The following TOX variants were observed in gnomAD, a reference collection of about 807,000 sequenced individuals.
TOX encodes thymocyte selection-associated high mobility group box protein TOX.
Under a neutral mutation model 53.7 loss-of-function variants are expected in TOX, and 11 were observed. The observed-to-expected ratio is 0.20, with a 90% CI of 0.13 to 0.34. The LOEUF is 0.34. TOX is among the 10% of genes least tolerant of loss of function. The pLI is 1.00. For synonymous variants in TOX, 225 were observed against 245.3 expected (o/e 0.92, Z 0.77); for missense variants, 570 against 664.6 (o/e 0.86, Z 1.56).
At chr8:59,115,901 C>A (rs908772170) in intron 1 of TOX, among the ~76,000 whole-genome samples, 3 of 152,010 alleles carry the variant, frequency 2.0e-5, no homozygotes, top group Non-Finnish European at 4.4e-5. Context: ...CTAGATTAAA[C>A]CGTTTCCAAA....
chr8:59,108,594 T>TA (rs1223242651), intron 1 of TOX, among the ~76,000 whole-genome samples: 1 of 151,992 alleles, frequency 6.6e-6, no homozygotes, highest in Non-Finnish European at 1.5e-5. Flanking sequence ...GATGGAAACA[T>TA]AGTTGAGTTT....
chr8:58,936,631 G>A (rs1430764702), intron 3 of TOX, among the ~76,000 whole-genome samples: 1 of 152,148 alleles, frequency 6.6e-6, no homozygotes, highest in Non-Finnish European at 1.5e-5. Context: ...ACAAAAGATA[G>A]CTCCTGATTC....
chr8:59,036,069 G>T (rs139825123), intron 1 of TOX, among the ~76,000 whole-genome samples: 75 of 152,330 alleles, frequency 4.9e-4, no homozygotes, highest in South Asian at 1.2e-3. Context: ...AGCACATATA[G>T]TTGTTCCCCT....
intron 1 of TOX, among the ~76,000 whole-genome samples, chr8:59,070,698 A>C (rs1199584049): frequency 6.6e-6 from 1 of 152,194 alleles, no homozygotes; most frequent in Non-Finnish European, 1.5e-5. Context: ...TAGTGGGTAC[A>C]GAGAGATTTT....
intron 3 of TOX, among the ~76,000 whole-genome samples, chr8:58,882,455 G>A (rs1471754331): frequency 6.6e-6 from 1 of 152,130 alleles, no homozygotes; most frequent in East Asian, 1.9e-4. Flanking sequence ...AGCTGTTTCT[G>A]CAATTTCATA....
chr8:58,883,239 A>G (rs903927285), intron 3 of TOX, among the ~76,000 whole-genome samples: 3 of 152,162 alleles, frequency 2.0e-5, no homozygotes, highest in Non-Finnish European at 2.9e-5. Flanking sequence ...GCTCACTATC[A>G]CCAGCAGGCT....
At chr8:58,819,354 T>C (rs1389493074) in intron 6 of TOX, among the ~76,000 whole-genome samples, 1 of 150,978 alleles carries the variant, frequency 6.6e-6, no homozygotes, top group African/African-American at 2.5e-5. Context: ...ACCTGACAAA[T>C]GTGTTTCCTA....
intron 1 of TOX, among the ~76,000 whole-genome samples, chr8:59,064,333 G>T (rs753655381): frequency 3.9e-5 from 6 of 152,078 alleles, no homozygotes; most frequent in Non-Finnish European, 4.4e-5. Flanking sequence ...ATAATCTGTC[G>T]TCCTCTAGTT....
chr8:58,894,224 CTT>C (rs1264003348), intron 3 of TOX, among the ~76,000 whole-genome samples: 9 of 152,198 alleles, frequency 5.9e-5, no homozygotes, highest in Non-Finnish European at 1.3e-4. Context: ...TTCAGGAAAT[CTT>C]TGCTGATTGC....
At chr8:58,924,700 C>A (rs1812125309) in intron 3 of TOX, among the ~76,000 whole-genome samples, 1 of 152,206 alleles carries the variant, frequency 6.6e-6, no homozygotes, top group African/African-American at 2.4e-5. Flanking sequence ...CTCTTGTGAT[C>A]CACGATTCAG....
In TOX at chr8:58,806,079, C is replaced by T. The variant is rs1809969817; in HGVS notation, c.*1668G>A. On this transcript the variant is annotated 3_prime_UTR_variant, in exon 9 of 9. Coordinates refer to ENST00000361421, the MANE Select transcript of TOX (RefSeq NM_014729.3). ...AAAGGAGTAAATCTGCTAGCTTTTTCTTTTTTTAATGTGAAAGCTATGCAA... is the reference window on the plus strand; with the variant it reads ...AAAGGAGTAAATCTGCTAGCTTTTTTTTTTTTTAATGTGAAAGCTATGCAA... The T allele has an allele frequency of 6.6e-6, 1 of 152,222 alleles. No homozygotes were observed. Among genetic ancestry groups the T allele is most frequent in the Admixed American group, 6.6e-5 (1 of 15,266 alleles). The allele number at this position is 152,222 out of a possible 1,614,324, so 9.4% of individuals were successfully genotyped here.
intron 1 of TOX, chr8:58,992,651 A>G (rs1402202659): frequency 6.6e-6 from 1 of 152,192 alleles, no homozygotes; most frequent in African/African-American, 2.4e-5. Context: ...CCATATCTTA[A>G]TCAATCGTGC....
intron 3 of TOX, among the ~76,000 whole-genome samples, chr8:58,929,859 CA>C (rs1293761128): frequency 6.6e-6 from 1 of 152,108 alleles, no homozygotes; most frequent in East Asian, 1.9e-4. Flanking sequence ...AGACTAGGCA[CA>C]AATATACTCC....
Position 59,063,032 on chromosome 8 carries a change from T to C in TOX, c.102+55854A>G, listed in dbSNP as rs188044683. Among the ~76,000 whole-genome samples, 22 of 152,326 alleles carry C rather than the reference T, an allele frequency of 1.4e-4. No individual in the cohort carries two copies. In the East Asian group the frequency reaches 4.0e-3, roughly 28 times the overall value. On this transcript the variant is annotated intron_variant, in intron 1 of 8. Transcript: ENST00000361421. ...ATTTTTTTATTGCCTATGTTTTCAG[T>C]AAAAATAAGCTTGCAAAAATTCTTC... is the stretch of plus-strand genomic sequence containing the variant.
rs1313870512 is a variant in TOX at position 59,097,350 on chromosome 8, C to T, written c.102+21536G>A. Among the ~76,000 whole-genome samples, 3 of 152,092 alleles carry T rather than the reference C, an allele frequency of 2.0e-5. No individual in the cohort carries two copies. In the South Asian group the frequency reaches 6.2e-4, roughly 32 times the overall value. On this transcript the variant is annotated intron_variant, in intron 1 of 8. Transcript: ENST00000361421. ...GCTCCTCCGGCAGGGTCTACGCCAC[C>T]GGAGTGAGGTTTTCAGCAGCAACAA...
At chr8:58,914,484 G>A (rs904495993) in intron 3 of TOX, among the ~76,000 whole-genome samples, 5 of 152,066 alleles carry the variant, frequency 3.3e-5, no homozygotes, top group African/African-American at 4.8e-5. Context: ...TCATTCAGGG[G>A]TATTTTTGCC....
Position 58,911,069 on chromosome 8 carries a change from C to G in TOX, c.411+28233G>C, listed in dbSNP as rs918806769. On this transcript the variant is annotated intron_variant, in intron 3 of 8. Transcript: ENST00000361421. ...TCTCTTTTTTTTTCCTTCGGAGAAG[C>G]TTTCCTTCCTCTAGTGTACTTTGCA... Among the ~76,000 whole-genome samples, 47 of 152,076 alleles carry G rather than the reference C, an allele frequency of 3.1e-4. No individual in the cohort carries two copies. The Middle Eastern group carries it at 0.01, about 33-fold the overall frequency.
At chr8:58,823,102 C>A (rs1389311962) in intron 6 of TOX, among the ~76,000 whole-genome samples, 3 of 152,182 alleles carry the variant, frequency 2.0e-5, no homozygotes, top group Non-Finnish European at 2.9e-5. Flanking sequence ...TTGGAAGTTA[C>A]AAAAGCGAGA....
chr8:58,880,629 T>C (rs1447581658), intron 3 of TOX, among the ~76,000 whole-genome samples: 8 of 152,126 alleles, frequency 5.3e-5, no homozygotes. Flanking sequence ...CTAAACATGC[T>C]AAAGCAAAAT....
Sources: gnomAD v4.1 joint callset for allele counts (sites outside exome capture counted in the v4.1 genomes callset) on GRCh38, gnomAD v4.1.1 for gene constraint, MANE v1.5 for transcripts, NCBI Gene and HGNC (gene_info 2026-07-23, HGNC 2026-07-21) for gene names.